The following BIN3 variants were observed in gnomAD, a reference collection of about 807,000 sequenced individuals.
The protein encoded by BIN3 is bridging integrator 3.
A neutral mutation model predicts 38.2 loss-of-function variants in BIN3; 41 were observed. The ratio of observed to expected loss-of-function variants is 1.07; its 90% confidence interval spans 0.84 to 1.39. The LOEUF is 1.39. Ranked by LOEUF, BIN3 falls within the 40% of genes most tolerant of loss-of-function variation. The pLI, the probability that BIN3 is intolerant of heterozygous loss-of-function variation, is 0.00. For missense variants in BIN3, 361 were observed against 324.3 expected, an observed-to-expected ratio of 1.11 and a Z score of -0.87; for synonymous variants, 145 against 122.6, an observed-to-expected ratio of 1.18 and a Z score of -1.21.
At chr8:22,633,744 GC>G (rs1486637914) in intron 4 of BIN3, among the ~76,000 whole-genome samples, 2 of 152,130 alleles carry the variant, frequency 1.3e-5, no homozygotes, top group African/African-American at 2.4e-5. Context: ...TTCAGGTCTC[GC>G]CCAGCTCATG....
intron 2 of BIN3, among the ~76,000 whole-genome samples, chr8:22,641,279 G>A (rs1417342627): frequency 2.6e-5 from 4 of 152,178 alleles, no homozygotes; most frequent in African/African-American, 9.7e-5. Flanking sequence ...GGAGAACCAA[G>A]CCCCAGACGA....
chr8:22,625,106 G>A (rs995715403), intron 6 of BIN3: 21 of 519,230 alleles, frequency 4.0e-5, no homozygotes, highest in Non-Finnish European at 6.8e-5. Context: ...CCTCCACTGT[G>A]ACTAGAAGGG....
rs7001041 is a variant in BIN3, at chr8:22,621,172, C to T, written c.*250G>A. 5.9e-3 allele frequency: 3,043 copies of T among 511,472 alleles called. 51 individuals are homozygous for T. The highest frequency in any genetic ancestry group is 0.04 in the African/African-American group (2,088 of 51,940). The allele number at this position is 511,472 out of a possible 1,614,324, so 31.7% of individuals were successfully genotyped here. ...GCCGTGGGCCAGGATGCATGCTGGA[C>T]GGTTCTCCAAATAAAAAAGCCCCAA... On this transcript the variant is annotated 3_prime_UTR_variant, in exon 9 of 9. Transcript: ENST00000276416.
At chr8:22,652,819 C>T (rs2117579054) in intron 1 of BIN3, among the ~76,000 whole-genome samples, 1 of 152,244 alleles carries the variant, frequency 6.6e-6, no homozygotes, top group South Asian at 2.1e-4. Flanking sequence ...CCTAACACAC[C>T]TCTATCTTTG....
At chr8:22,648,594 C>T (rs150049589) in intron 1 of BIN3, among the ~76,000 whole-genome samples, 1,922 of 152,270 alleles carry the variant, frequency 0.013, 27 homozygotes, top group South Asian at 0.023. Flanking sequence ...ACGATGTCAA[C>T]ATGCCTTACC....
chr8:22,666,103 G>A (rs1156642843), intron 1 of BIN3, among the ~76,000 whole-genome samples: 6 of 151,938 alleles, frequency 3.9e-5, no homozygotes, highest in Non-Finnish European at 8.8e-5. Flanking sequence ...TGGACCCCTA[G>A]GTATAGGGAG....
intron 6 of BIN3, among the ~76,000 whole-genome samples, chr8:22,627,747 C>T (rs1802047164): frequency 6.6e-6 from 1 of 152,270 alleles, no homozygotes; most frequent in Non-Finnish European, 1.5e-5. Flanking sequence ...GTTTGGCTTT[C>T]TCTTTCCACA....
At chr8:22,647,474 C>A (rs1249084261) in intron 1 of BIN3, among the ~76,000 whole-genome samples, 1 of 152,164 alleles carries the variant, frequency 6.6e-6, no homozygotes, top group Non-Finnish European at 1.5e-5. Flanking sequence ...CAACCAGCAC[C>A]CCTGGTGTCC....
intron 1 of BIN3, among the ~76,000 whole-genome samples, chr8:22,646,487 C>T (rs937290483): frequency 1.3e-5 from 2 of 152,142 alleles, no homozygotes; most frequent in African/African-American, 4.8e-5. Flanking sequence ...AATTAACCAC[C>T]GATAATGACC....
intron 2 of BIN3, among the ~76,000 whole-genome samples, chr8:22,639,105 A>G (rs146777278): frequency 6.6e-6 from 1 of 152,252 alleles, no homozygotes; most frequent in African/African-American, 2.4e-5. Context: ...AGGGCCCTTG[A>G]AAGTCTGTAC....
chr8:22,620,753 A>C lies in BIN3; in HGVS notation c.*669T>G, dbSNP rs1302326884. 1 of 152,250 alleles carries C rather than the reference A, an allele frequency of 6.6e-6. No homozygotes were observed. Among genetic ancestry groups the C allele is most frequent in the Non-Finnish European group, 1.5e-5 (1 of 68,038 alleles). 9.4% of individuals were successfully genotyped at this position (152,250 alleles called of 1,614,324 possible). ...ATTTTACTTGAAAAAATAAAATTCC[A>C]GATACTCAGGTGAGACACAAACCCA... On this transcript the variant is annotated 3_prime_UTR_variant, in exon 9 of 9. Transcript: ENST00000276416.
intron 4 of BIN3, 51 bp downstream of exon 4, chr8:22,636,474 C>T (rs1032156763): frequency 6.5e-7 from 1 of 1,536,810 alleles, no homozygotes; most frequent in Non-Finnish European, 8.8e-7. Flanking sequence ...GGAGGGTGCC[C>T]ACCTCTGCCC....
At position 22,621,495 on chromosome 8, in the gene BIN3, T is replaced by G; in HGVS notation, c.689A>C (p.Asp230Ala). Residue 230 changes from aspartate to alanine, a missense_variant, in exon 9 of 9, where the codon GAT becomes GCT. Transcript: ENST00000276416. ...SHQLDQPGHS[D>A]EQRERENEAK... ...CTCGTTCTCCCGCTCCCGCTGCTCA[T>G]CGGAGTGGCCTGGCTGGTCAAGCTG... 7 of 1,613,978 alleles carry G rather than the reference T, an allele frequency of 4.3e-6. No individual in the cohort carries two copies. The highest frequency in any genetic ancestry group is 5.9e-6 in the Non-Finnish European group (7 of 1,179,898).
intron 8 of BIN3, among the ~76,000 whole-genome samples, chr8:22,622,294 C>G (rs1257977968): frequency 6.6e-6 from 1 of 152,232 alleles, no homozygotes; most frequent in Non-Finnish European, 1.5e-5. Flanking sequence ...CATGCAGTTT[C>G]CTGAAAGCTT....
At chr8:22,636,640 C>T (rs1279136047) in intron 3 of BIN3, 54 bp from the exon 4 acceptor site, 7 of 1,534,990 alleles carry the variant, frequency 4.6e-6, no homozygotes, top group Admixed American at 2.0e-5. Context: ...CCTACCTGAG[C>T]GAAGCCCAGG....
At chr8:22,646,240 G>A (rs752932431) in intron 1 of BIN3, among the ~76,000 whole-genome samples, 4 of 152,190 alleles carry the variant, frequency 2.6e-5, no homozygotes, top group Non-Finnish European at 5.9e-5. Flanking sequence ...GTAGACTCCC[G>A]ATCCCAGGTA....
chr8:22,623,136 G>C (rs985756885), intron 8 of BIN3, among the ~76,000 whole-genome samples: 2 of 152,230 alleles, frequency 1.3e-5, no homozygotes, highest in African/African-American at 4.8e-5. Flanking sequence ...CGGGTGTTGG[G>C]GTACTAAGGC....
At chr8:22,656,146 C>T (rs970223616) in intron 1 of BIN3, among the ~76,000 whole-genome samples, 4 of 151,668 alleles carry the variant, frequency 2.6e-5, no homozygotes, top group Non-Finnish European at 5.9e-5. Context: ...TTTTGAAGAT[C>T]CTATTTTTGG....
chr8:22,629,389 G>A (rs1802107904), intron 6 of BIN3, among the ~76,000 whole-genome samples: 1 of 152,204 alleles, frequency 6.6e-6, no homozygotes, highest in African/African-American at 2.4e-5. Flanking sequence ...CGAGGGAATA[G>A]GCCTGTCTGA....
Sources: allele counts gnomAD v4.1 joint callset (sites outside exome capture counted in the v4.1 genomes callset), GRCh38; gene constraint gnomAD v4.1.1; transcripts MANE v1.5; gene names NCBI Gene and HGNC (gene_info 2026-07-23, HGNC 2026-07-21).